EXOSC10: variants seen among roughly 807,000 people sequenced by gnomAD.
EXOSC10 encodes exosome component 10, also known as exosome complex component 10.
Under a neutral mutation model 126.6 loss-of-function variants are expected in EXOSC10, and 94 were observed. That is an observed-to-expected ratio of 0.74 (90% CI 0.63 to 0.88). The LOEUF (loss-of-function observed/expected upper bound fraction) is 0.88. Among genes scored for constraint, EXOSC10 ranks in the 40% least tolerant of loss-of-function variants. The probability of loss-of-function intolerance (pLI) is 0.00; values close to 1 mark genes in which losing one functional copy is unlikely to be tolerated. For missense variants in EXOSC10, 1,041 were observed against 1,100.5 expected, an observed-to-expected ratio of 0.95 and a Z score of 0.77; for synonymous variants, 395 against 400.8, an observed-to-expected ratio of 0.99 and a Z score of 0.17.
intron 9 of EXOSC10, among the ~76,000 whole-genome samples, chr1:11,086,513 T>C (rs922491719): frequency 1.1e-4 from 17 of 152,214 alleles, no homozygotes; most frequent in African/African-American, 3.9e-4. Context: ...CTTCTATTTT[T>C]CTTTATTAGT....
intron 3 of EXOSC10, among the ~76,000 whole-genome samples, chr1:11,092,789 G>C (rs969914106): frequency 9.9e-5 from 15 of 152,276 alleles, no homozygotes; most frequent in African/African-American, 3.6e-4. Flanking sequence ...AAAATGCTAG[G>C]ATTACAGGCA....
chr1:11,072,214 AGCC>A, intron 19 of EXOSC10, 43 bp from the exon 20 acceptor site: 1 of 1,467,154 alleles, frequency 6.8e-7, no homozygotes, highest in Non-Finnish European at 9.5e-7. Context: ...CTCCAAAGTC[AGCC>A]ACCTAAGTCT....
intron 3 of EXOSC10, 123 bp downstream of exon 3, chr1:11,095,635 A>C (rs1158267085): frequency 5.8e-5 from 46 of 792,636 alleles, no homozygotes; most frequent in East Asian, 1.2e-4. Context: ...AGTGTTGTGA[A>C]CCCGGGAGGC....
intron 10 of EXOSC10, chr1:11,082,388 T>G (rs2100985144): frequency 4.5e-6 from 2 of 447,304 alleles, no homozygotes; most frequent in Middle Eastern, 6.9e-4. Flanking sequence ...CAAAATCATC[T>G]GGTAGAAAGA....
Position 11,072,081 on chromosome 1 carries a change from T to G in EXOSC10, c.2242+6A>C. The G allele has an allele frequency of 6.2e-7, 1 of 1,610,422 alleles. No individual in the cohort carries two copies. The highest frequency in any genetic ancestry group is 8.5e-7 in the Non-Finnish European group (1 of 1,177,696). Reference sequence around the variant, plus strand: ...GCCGACTGAGTTGCAAGGAAGTGAGTGTTACCTGTTTGCTCAGCTGCCTTC... The same window carrying G: ...GCCGACTGAGTTGCAAGGAAGTGAGGGTTACCTGTTTGCTCAGCTGCCTTC... On this transcript the variant is annotated splice_donor_region_variant and intron_variant, in intron 20 of 24. Transcript: ENST00000376936.
intron 3 of EXOSC10, 92 bp downstream of exon 3, chr1:11,095,666 A>G: frequency 8.5e-7 from 1 of 1,173,120 alleles, no homozygotes. Flanking sequence ...GTGAGTCGAG[A>G]TCGCATCACT....
chr1:11,068,936 A>G, intron 22 of EXOSC10: 1 of 575,554 alleles, frequency 1.7e-6, no homozygotes, highest in South Asian at 2.1e-5. Flanking sequence ...TAGTCCCAGG[A>G]CCTTAGGGGC....
At chr1:11,078,264 C>CTTTTTTTTTT (rs1220119181) in intron 14 of EXOSC10, among the ~76,000 whole-genome samples, 3 of 143,666 alleles carry the variant, frequency 2.1e-5, no homozygotes, top group African/African-American at 2.6e-5. Context: ...GACCCTGTTT[C>CTTTTTTTTTT]TTTTTTTTTT....
intron 3 of EXOSC10, among the ~76,000 whole-genome samples, chr1:11,093,994 C>T (rs555493172): frequency 4.6e-4 from 70 of 152,138 alleles, no homozygotes; most frequent in Admixed American, 1.2e-3. Flanking sequence ...GTGGGAGGAT[C>T]GCTTGAGCCC....
At chr1:11,079,518 G>A (rs1054134561) in intron 14 of EXOSC10, among the ~76,000 whole-genome samples, 193 bp downstream of exon 14, 4 of 148,910 alleles carry the variant, frequency 2.7e-5, no homozygotes, top group Non-Finnish European at 4.5e-5. Flanking sequence ...CTCAGCCTCC[G>A]GAGTAGCTGG....
chr1:11,091,234 A>C, intron 4 of EXOSC10, 55 bp from the exon 5 acceptor site: 3 of 1,510,390 alleles, frequency 2.0e-6, no homozygotes, highest in Non-Finnish European at 2.7e-6. Flanking sequence ...GAATTAGAAA[A>C]GTAAATTCCA....
chr1:11,088,446 T>A lies in EXOSC10; in HGVS notation c.759-248A>T, dbSNP rs189408923. 1.1e-4 allele frequency among the ~76,000 whole-genome samples: 17 copies of A among 152,374 alleles called. No homozygotes were observed. In the East Asian group the frequency reaches 1.5e-3, roughly 14 times the overall value. On this transcript the variant is annotated intron_variant, in intron 6 of 24. Coordinates refer to ENST00000376936, the MANE Select transcript of EXOSC10 (RefSeq NM_001001998.3). ...AGAGCTGGAGACCCAAGCAGCTTTA[T>A]AAAGATTTGAGTACTTATTTGCAAA...
Position 11,090,604 on chromosome 1 carries a change from T to C in EXOSC10, c.708A>G (p.Ala236=). ...TCTGCTGATGGATGAAATCAGCCAGTGCAGGGGGGACGTCCAAGTCCTCAG... is the reference window on the plus strand; with the variant it reads ...TCTGCTGATGGATGAAATCAGCCAGCGCAGGGGGGACGTCCAAGTCCTCAG... The part of the protein sequence containing the change: ...DRPEDLDVPP[A]LADFIHQQRT... The change falls in exon 6 of 25, where the codon GCA becomes GCG. Residue 236 remains alanine (A), a synonymous_variant. Transcript: ENST00000376936. 1.2e-6 allele frequency: 2 copies of C among 1,614,144 alleles called. No homozygotes were observed. The highest frequency in any genetic ancestry group is 1.1e-5 in the South Asian group (1 of 91,076).
chr1:11,074,557 C>A (rs894274769), intron 17 of EXOSC10, among the ~76,000 whole-genome samples: 61 of 152,132 alleles, frequency 4.0e-4, no homozygotes, highest in Middle Eastern at 3.4e-3. Context: ...GGATTACAGG[C>A]ACGTGCCACC....
At chr1:11,073,661 G>A (rs553504837) in intron 19 of EXOSC10, among the ~76,000 whole-genome samples, 11 of 151,942 alleles carry the variant, frequency 7.2e-5, no homozygotes, top group South Asian at 6.3e-4. Flanking sequence ...AGGCCAAGGC[G>A]GGTGGATCAC....
At chr1:11,080,443 A>AAGAACATCAGATCTACTGAGAAAGTC (rs1332676333) in intron 13 of EXOSC10, 56 bp downstream of exon 13, 113 of 1,601,638 alleles carry the variant, frequency 7.1e-5, no homozygotes, top group Non-Finnish European at 9.2e-5. Context: ...CTTGATTTTG[A>AAGAACATCAGATCTACTGAGAAAGTC]AGAACATCAG....
At chr1:11,098,973 C>A (rs534093653) in intron 1 of EXOSC10, among the ~76,000 whole-genome samples, 23 of 152,300 alleles carry the variant, frequency 1.5e-4, no homozygotes, top group African/African-American at 5.3e-4. Flanking sequence ...GCCACACAAC[C>A]AGGACCACAG....
intron 2 of EXOSC10, among the ~76,000 whole-genome samples, chr1:11,097,134 T>C (rs1286133854): frequency 2.0e-5 from 3 of 151,582 alleles, no homozygotes; most frequent in Non-Finnish European, 4.4e-5. Flanking sequence ...CGCTTGATCT[T>C]GGGAGGTGGA....
chr1:11,087,941 G>T, intron 7 of EXOSC10, 31 bp from the exon 8 acceptor site: 1 of 1,414,342 alleles, frequency 7.1e-7, no homozygotes, highest in Non-Finnish European at 9.9e-7. Context: ...GAAAAAGGGA[G>T]GAATATAGAA....
Sources: allele counts gnomAD v4.1 joint callset (sites outside exome capture counted in the v4.1 genomes callset), GRCh38; gene constraint gnomAD v4.1.1; transcripts MANE v1.5; gene names NCBI Gene and HGNC (gene_info 2026-07-23, HGNC 2026-07-21).